The following NOL4 variants were observed in gnomAD, a reference collection of about 807,000 sequenced individuals.
The protein encoded by NOL4 is cancer/testis antigen 125.
A neutral mutation model predicts 75.9 loss-of-function variants in NOL4; 17 were observed. The ratio of observed to expected loss-of-function variants is 0.22; its 90% confidence interval spans 0.15 to 0.34. NOL4 has a LOEUF of 0.34. Ranked by LOEUF, NOL4 falls within the 10% of genes least tolerant of loss-of-function variation. The pLI is 1.00. For synonymous variants in NOL4, 292 were observed against 289.9 expected, an observed-to-expected ratio of 1.01 and a Z score of -0.07; for missense variants, 614 against 793.5, an observed-to-expected ratio of 0.77 and a Z score of 2.72.
intron 1 of NOL4, among the ~76,000 whole-genome samples, chr18:34,220,388 G>C (rs1385750240): frequency 6.6e-6 from 1 of 152,124 alleles, no homozygotes; most frequent in Non-Finnish European, 1.5e-5. Context: ...AGCCAGCCGT[G>C]AACCCTCAAA....
intron 5 of NOL4, among the ~76,000 whole-genome samples, chr18:34,022,084 A>G (rs922080518): frequency 6.6e-6 from 1 of 151,680 alleles, no homozygotes; most frequent in African/African-American, 2.4e-5. Context: ...AGCCTGGGCA[A>G]CAAGAGCGAA....
chr18:34,162,328 G>A (rs569606932), intron 1 of NOL4, among the ~76,000 whole-genome samples: 1 of 152,196 alleles, frequency 6.6e-6, no homozygotes, highest in Non-Finnish European at 1.5e-5. Context: ...CAACAAAATT[G>A]ATAGACCGCT....
intron 5 of NOL4, among the ~76,000 whole-genome samples, chr18:34,067,869 T>C (rs903809617): frequency 6.6e-6 from 1 of 151,964 alleles, no homozygotes; most frequent in Non-Finnish European, 1.5e-5. Flanking sequence ...TAAGCCTGGT[T>C]TGGGGGGTGG....
chr18:34,165,916 A>G (rs1568412393), intron 1 of NOL4, among the ~76,000 whole-genome samples: 1 of 152,020 alleles, frequency 6.6e-6, no homozygotes, highest in Non-Finnish European at 1.5e-5. Context: ...TTAATCTATT[A>G]TTACTAACAA....
At chr18:33,940,625 C>T (rs2068411093) in intron 9 of NOL4, among the ~76,000 whole-genome samples, 1 of 151,884 alleles carries the variant, frequency 6.6e-6, no homozygotes, top group Non-Finnish European at 1.5e-5. Context: ...TGAAGCAAAC[C>T]ACCATGGCAC....
rs186844094 is a variant in NOL4, at chr18:34,139,763, G to A, written c.265-9743C>T. ...TCTTGCTTCTCTAGTTCTTTTAATTGTGATGTTAGGGTGTCAATTTTAGAT... is the reference window on the plus strand; with the variant it reads ...TCTTGCTTCTCTAGTTCTTTTAATTATGATGTTAGGGTGTCAATTTTAGAT... On this transcript the variant is annotated intron_variant, in intron 1 of 10. Coordinates refer to ENST00000261592, the MANE Select transcript of NOL4 (RefSeq NM_003787.5). Among the ~76,000 whole-genome samples the A allele has an allele frequency of 6.2e-3, 944 of 152,108 alleles. 8 individuals carry two copies. Among genetic ancestry groups the A allele is most frequent in the African/African-American group, 0.022 (903 of 41,456 alleles).
At chr18:33,975,807 A>G in intron 6 of NOL4, among the ~76,000 whole-genome samples, 1 of 152,202 alleles carries the variant, frequency 6.6e-6, no homozygotes, top group South Asian at 2.1e-4. Context: ...AGAAATTAAT[A>G]CACATGGAAA....
At chr18:34,081,384 T>A (rs1386015678) in intron 5 of NOL4, among the ~76,000 whole-genome samples, 1 of 152,164 alleles carries the variant, frequency 6.6e-6, no homozygotes, top group Non-Finnish European at 1.5e-5. Context: ...CATTTTAATA[T>A]TCTTTTAAAA....
chr18:33,990,111 A>G (rs1018916266), intron 6 of NOL4, among the ~76,000 whole-genome samples: 2 of 152,082 alleles, frequency 1.3e-5, no homozygotes, highest in African/African-American at 4.8e-5. Flanking sequence ...TAGACTTTGA[A>G]GTGTATGATG....
chr18:34,102,781 A>T (rs1324169259), intron 4 of NOL4, among the ~76,000 whole-genome samples: 1 of 151,910 alleles, frequency 6.6e-6, no homozygotes, highest in African/African-American at 2.4e-5. Context: ...TTTCAACTAT[A>T]TAATGAATCA....
intron 2 of NOL4, 146 bp from the exon 3 acceptor site, chr18:34,105,306 A>C: frequency 1.7e-6 from 1 of 585,322 alleles, no homozygotes; most frequent in Non-Finnish European, 3.1e-6. Flanking sequence ...ACCATGCATC[A>C]TTTCAAGAAA....
At chr18:33,958,595 T>A (rs1211545146) in intron 6 of NOL4, among the ~76,000 whole-genome samples, 177 bp from the exon 7 acceptor site, 2 of 152,188 alleles carry the variant, frequency 1.3e-5, no homozygotes, top group South Asian at 2.1e-4. Flanking sequence ...AAATTTCATT[T>A]CCTTGGTCAC....
chr18:34,006,896 A>G (rs1344177751), intron 6 of NOL4, among the ~76,000 whole-genome samples: 1 of 152,012 alleles, frequency 6.6e-6, no homozygotes, highest in Non-Finnish European at 1.5e-5. Flanking sequence ...CAATTAATGT[A>G]TGATGCTGTG....
At chr18:34,158,224 A>G (rs547026011) in intron 1 of NOL4, among the ~76,000 whole-genome samples, 219 of 152,280 alleles carry the variant, frequency 1.4e-3, no homozygotes, top group African/African-American at 4.6e-3. Context: ...AGGGGTTGTG[A>G]CCAACAGTAG....
At chr18:33,905,519 G>T (rs1176123869) in intron 9 of NOL4, among the ~76,000 whole-genome samples, 1 of 152,086 alleles carries the variant, frequency 6.6e-6, no homozygotes. Flanking sequence ...AAAACCCTAT[G>T]TGTCTTGCTT....
intron 9 of NOL4, among the ~76,000 whole-genome samples, chr18:33,905,490 G>C (rs897750005): frequency 2.6e-5 from 4 of 152,116 alleles, no homozygotes; most frequent in African/African-American, 9.7e-5. Context: ...TTCACAAAAG[G>C]ATAAATGAAA....
chr18:34,178,935 T>A (rs1009011006), intron 1 of NOL4, among the ~76,000 whole-genome samples: 5 of 151,664 alleles, frequency 3.3e-5, no homozygotes, highest in African/African-American at 7.2e-5. Flanking sequence ...ATAAGTGATA[T>A]TTTAGACTAT....
At chr18:33,970,683 T>C (rs982343087) in intron 6 of NOL4, among the ~76,000 whole-genome samples, 2 of 152,096 alleles carry the variant, frequency 1.3e-5, no homozygotes, top group African/African-American at 2.4e-5. Flanking sequence ...TAAATCTATA[T>C]ATAGAACTTT....
chr18:34,076,856 A>C (rs1364035467), intron 5 of NOL4, among the ~76,000 whole-genome samples: 26 of 152,216 alleles, frequency 1.7e-4, no homozygotes, highest in Non-Finnish European at 4.4e-5. Context: ...ATAAAGTAGA[A>C]AATGTCTCTT....
Sources: allele counts gnomAD v4.1 joint callset (sites outside exome capture counted in the v4.1 genomes callset), GRCh38; gene constraint gnomAD v4.1.1; transcripts MANE v1.5; gene names NCBI Gene and HGNC (gene_info 2026-07-23, HGNC 2026-07-21).